WNK2: variants seen among roughly 807,000 people sequenced by gnomAD.
WNK2 encodes the protein serine/threonine-protein kinase WNK2.
WNK2 carries 67 observed loss-of-function variants against 192.1 expected under a neutral mutation model. The observed-to-expected ratio is 0.35, with a 90% CI of 0.29 to 0.43. The LOEUF (loss-of-function observed/expected upper bound fraction) is 0.43. Among genes scored for constraint, WNK2 ranks in the 20% least tolerant of loss-of-function variants. The pLI is 1.00. For missense variants in WNK2, 2,698 were observed against 3,089.7 expected, an observed-to-expected ratio of 0.87 and a Z score of 3.01; for synonymous variants, 1,439 against 1,393.9, an observed-to-expected ratio of 1.03 and a Z score of -0.72.
intron 12 of WNK2, among the ~76,000 whole-genome samples, chr9:93,260,475 G>A (rs1588256441): frequency 6.6e-6 from 1 of 152,144 alleles, no homozygotes; most frequent in East Asian, 1.9e-4. Flanking sequence ...CTGTGGCACA[G>A]CCCTGCCTTT....
intron 7 of WNK2, among the ~76,000 whole-genome samples, chr9:93,246,837 C>G (rs1841789199): frequency 6.6e-6 from 1 of 152,214 alleles, no homozygotes; most frequent in Non-Finnish European, 1.5e-5. Context: ...TCTTTGTTCT[C>G]CCATGTTTTC....
chr9:93,190,683 A>G (rs775037626), intron 2 of WNK2, among the ~76,000 whole-genome samples: 8 of 152,210 alleles, frequency 5.3e-5, no homozygotes, highest in Non-Finnish European at 1.2e-4. Flanking sequence ...CTGCCTCTGC[A>G]TTTGTGTCCA....
rs202074953 is a variant in WNK2 at position 93,318,501 on chromosome 9, C to T, written c.6628+870C>T. 1.3e-4 allele frequency: 212 copies of T among 1,614,102 alleles called. No individual in the cohort carries two copies. The African/African-American group carries it at 2.2e-3, about 17-fold the overall frequency. On this transcript the variant is annotated intron_variant, in intron 29 of 29. Transcript: ENST00000427277. ...TTGTTGCGCTGGGCCATGAGAAATC[C>T]GCCAGAAAACGTTAGGTGAGCAGAC...
chr9:93,235,834 C>A (rs1839727144), intron 5 of WNK2, among the ~76,000 whole-genome samples: 1 of 152,230 alleles, frequency 6.6e-6, no homozygotes, highest in African/African-American at 2.4e-5. Context: ...TCTGCAGGTG[C>A]ACCAGGGGCT....
chr9:93,300,140 G>A lies in WNK2; in HGVS notation c.6205G>A (p.Val2069Met), dbSNP rs1428977947. 2 of 1,613,050 alleles carry A rather than the reference G, an allele frequency of 1.2e-6. No homozygotes were observed. The highest frequency in any genetic ancestry group is 2.2e-5 in the East Asian group (1 of 44,876). Residue 2069 changes from valine to methionine, a missense_variant, in exon 26 of 30, where the codon GTG (valine) becomes ATG (methionine). Coordinates refer to ENST00000427277, the MANE Select transcript of WNK2 (RefSeq NM_006648.4). ...RARFLSGPVS[V>M]SIWSALKRLC... is the part of the protein sequence containing the mutation. ...TCGATTCCTCAGTGGACCCGTATCT[G>A]TGTCCATCTGTCTGTATTTGTTCTT...
In WNK2 at chr9:93,265,142, G is replaced by A. The variant is rs144635897; in HGVS notation, c.3696+1109G>A. Among the ~76,000 whole-genome samples, 501 of 152,352 alleles carry A rather than the reference G, an allele frequency of 3.3e-3. 5 individuals are homozygous for A. Among genetic ancestry groups the A allele is most frequent in the African/African-American group, 0.011 (477 of 41,572 alleles). ...GCAGCATTAGAGAAATTCTTCTGAC[G>A]CTTGCTACAGTGGTCGGGAAGACTT... is the stretch of plus-strand genomic sequence containing the variant. On this transcript the variant is annotated intron_variant, in intron 16 of 29. Transcript: ENST00000427277.
chr9:93,274,487 G>A (rs111854932), intron 19 of WNK2, among the ~76,000 whole-genome samples: 8 of 147,622 alleles, frequency 5.4e-5, no homozygotes, highest in South Asian at 2.1e-4. Context: ...ACTCCAGCCC[G>A]GGCAACAGTG....
At chr9:93,287,610 A>C (rs534184234) in intron 19 of WNK2, among the ~76,000 whole-genome samples, 1 of 152,170 alleles carries the variant, frequency 6.6e-6, no homozygotes, top group African/African-American at 2.4e-5. Context: ...AATTTTGGTC[A>C]AATTAGTTTA....
chr9:93,185,974 C>T (rs924706643), intron 2 of WNK2, among the ~76,000 whole-genome samples: 1 of 152,192 alleles, frequency 6.6e-6, no homozygotes, highest in Non-Finnish European at 1.5e-5. Flanking sequence ...ACTTTAATGA[C>T]CCAGGGAGTC....
At chr9:93,226,977 G>A (rs1161909403) in intron 2 of WNK2, among the ~76,000 whole-genome samples, 1 of 152,268 alleles carries the variant, frequency 6.6e-6, no homozygotes, top group East Asian at 1.9e-4. Flanking sequence ...GATGGATCCC[G>A]GGAGGGGAGT....
intron 4 of WNK2, among the ~76,000 whole-genome samples, chr9:93,232,542 A>G (rs1891972): frequency 0.96 from 146,598 of 152,288 alleles, 70,620 homozygotes; most frequent in African/African-American, 0.99. Context: ...GGGCGCAGTC[A>G]GGTGGCAGGA....
chr9:93,255,941 G>A (rs1843221593), intron 9 of WNK2, among the ~76,000 whole-genome samples: 1 of 152,194 alleles, frequency 6.6e-6, no homozygotes, highest in Admixed American at 6.5e-5. Flanking sequence ...TTATGTATAA[G>A]TTTTCATCTT....
At chr9:93,310,298 G>A (rs575706991) in intron 28 of WNK2, among the ~76,000 whole-genome samples, 1 of 152,320 alleles carries the variant, frequency 6.6e-6, no homozygotes, top group Admixed American at 6.5e-5. Flanking sequence ...CTGCGAGGCT[G>A]CACCCGGAGC....
Position 93,284,958 on chromosome 9 carries a change from G to A in WNK2, c.4034-3830G>A, listed in dbSNP as rs553371674. On this transcript the variant is annotated intron_variant, in intron 19 of 29. Transcript: ENST00000427277. ...TCCAATATCAACCACTCTGTAAATG[G>A]AAATAAATACATAATGCATGTCACA... Among the ~76,000 whole-genome samples, 11 of 152,250 alleles carry A rather than the reference G, an allele frequency of 7.2e-5. No homozygotes were observed. In the East Asian group the frequency reaches 1.5e-3, roughly 21 times the overall value.
chr9:93,293,023 T>C lies in WNK2; in HGVS notation c.5558T>C (p.Leu1853Pro). Reference protein sequence around the residue: ...FLQRPSRAGSLGPETPSRVGM... With the variant: ...FLQRPSRAGSPGPETPSRVGM... ...CAGAGGCCTTCTCGGGCCGGCTCGC[T>C]GGGCCCCGAGACACCCAGCAGGGTG... Residue 1853 changes from leucine (L) to proline (P), a missense_variant, in exon 23 of 30, where the codon CTG (leucine) becomes CCG (proline). Coordinates refer to ENST00000427277, the MANE Select transcript of WNK2 (RefSeq NM_006648.4). 2 of 1,601,292 alleles carry C rather than the reference T, an allele frequency of 1.2e-6. No homozygotes were observed. The highest frequency in any genetic ancestry group is 2.2e-5 in the East Asian group (1 of 44,680).
At chr9:93,289,700 A>G (rs1040777546) in intron 20 of WNK2, 80 bp downstream of exon 20, 27 of 1,356,790 alleles carry the variant, frequency 2.0e-5, no homozygotes, top group Admixed American at 5.9e-5. Flanking sequence ...GTGGGCAGGC[A>G]TCTTGGCTAT....
In WNK2 at chr9:93,257,068, G is replaced by A; in HGVS notation, c.2311G>A (p.Ala771Thr). ...CCTGGCTCCAGCCTCCCAGGTGGGG[G>A]CCCCCGCTCAGCTGAAGCCCCTCCA... ...PYLAPASQVG[A>T]PAQLKPLQMP... The change falls in exon 11 of 30, where the codon GCC (alanine) becomes ACC (threonine). Residue 771 changes from alanine to threonine, a missense_variant. Physicochemically the swap from Ala to Thr is moderately conservative, Grantham distance 58. This residue lies in a region of WNK2 where 893 missense variants were observed against 909.0 expected (regional missense o/e 0.98). Coordinates refer to ENST00000427277, the MANE Select transcript of WNK2 (RefSeq NM_006648.4). This position sits in a 1 kb window ranked among gnomAD's most constrained non-coding sequence, Gnocchi z 4.7. 1 of 1,606,250 alleles carries A rather than the reference G, an allele frequency of 6.2e-7. No homozygotes were observed. The highest frequency in any genetic ancestry group is 8.5e-7 in the Non-Finnish European group (1 of 1,178,414).
chr9:93,269,550 T>C (rs1266694542), intron 19 of WNK2, among the ~76,000 whole-genome samples: 2 of 152,234 alleles, frequency 1.3e-5, no homozygotes, highest in African/African-American at 4.8e-5. Flanking sequence ...GGTAAAGGGC[T>C]TGGCCTCAGC....
chr9:93,235,931 GGTT>G (rs1322869670), intron 5 of WNK2, among the ~76,000 whole-genome samples: 1 of 152,226 alleles, frequency 6.6e-6, no homozygotes, highest in Admixed American at 6.5e-5. Context: ...TCTGTCCCTT[GGTT>G]GTTGTAAATC....
Sources: gnomAD v4.1 joint callset for allele counts (sites outside exome capture counted in the v4.1 genomes callset) on GRCh38, gnomAD v4.1.1 for gene constraint, gnomAD v4.1.1 regional missense constraint, Gnocchi (gnomAD v3.1) non-coding constraint, MANE v1.5 for transcripts, NCBI Gene and HGNC (gene_info 2026-07-23, HGNC 2026-07-21) for gene names.